Variants in ASTN2 observed in about 807,000 individuals in gnomAD.
The protein encoded by ASTN2 is astrotactin-2.
Under a neutral mutation model 139.8 loss-of-function variants are expected in ASTN2, and 54 were observed. The observed-to-expected ratio is 0.39, with a 90% CI of 0.31 to 0.48. The LOEUF is 0.48. ASTN2 is among the 20% of genes least tolerant of loss of function. ASTN2 has a pLI of 0.95. For synonymous variants in ASTN2, 756 were observed against 719.5 expected (o/e 1.05, Z -0.81); for missense variants, 1,565 against 1,725.1 (o/e 0.91, Z 1.64).
At chr9:116,751,829 G>T (rs1488112989) in intron 13 of ASTN2, among the ~76,000 whole-genome samples, 1 of 152,042 alleles carries the variant, frequency 6.6e-6, no homozygotes, top group Non-Finnish European at 1.5e-5. Flanking sequence ...ATATAAGGAA[G>T]ACTACAAAAC....
intron 5 of ASTN2, among the ~76,000 whole-genome samples, chr9:117,086,270 C>T (rs1451952606): frequency 6.6e-6 from 1 of 152,104 alleles, no homozygotes; most frequent in Non-Finnish European, 1.5e-5. Flanking sequence ...ACAAGAGACA[C>T]CTAGGATTAA....
chr9:117,345,183 C>T (rs1482855749), intron 1 of ASTN2, among the ~76,000 whole-genome samples: 1 of 152,154 alleles, frequency 6.6e-6, no homozygotes, highest in Admixed American at 6.5e-5. Flanking sequence ...GCAAGGCTTG[C>T]TCTTGCTACT....
chr9:116,566,334 G>T (rs762438867), intron 19 of ASTN2, among the ~76,000 whole-genome samples: 4 of 152,088 alleles, frequency 2.6e-5, no homozygotes, highest in Non-Finnish European at 4.4e-5. Flanking sequence ...CTCATTCCAG[G>T]ATCAGCTCAA....
intron 19 of ASTN2, among the ~76,000 whole-genome samples, chr9:116,505,609 G>C (rs958406999): frequency 6.6e-5 from 10 of 152,160 alleles, no homozygotes; most frequent in Non-Finnish European, 1.3e-4. Context: ...ATCTGACCCA[G>C]TGCTTCTCCT....
At position 116,664,212 on chromosome 9, in the gene ASTN2, A is replaced by T. The variant is rs1858728716; in HGVS notation, c.2807-12419T>A. On this transcript the variant is annotated intron_variant, in intron 16 of 22. Coordinates refer to ENST00000313400, the MANE Select transcript of ASTN2 (RefSeq NM_001365068.1). ...ATCACAAATATATTTTACTAAATGG[A>T]AAAAAGGAAAGTGCAGAACAGTGTT... Among the ~76,000 whole-genome samples, 3 of 152,142 alleles carry T rather than the reference A, an allele frequency of 2.0e-5. No individual in the cohort carries two copies. The South Asian group carries it at 6.2e-4, about 32-fold the overall frequency.
intron 19 of ASTN2, among the ~76,000 whole-genome samples, chr9:116,590,123 AG>A (rs1854319306): frequency 1.3e-5 from 2 of 152,306 alleles, no homozygotes; most frequent in South Asian, 4.1e-4. Context: ...GGCAGGAGCT[AG>A]GAACAGGTAG....
intron 6 of ASTN2, among the ~76,000 whole-genome samples, chr9:117,010,261 T>G (rs1244939499): frequency 1.3e-5 from 2 of 152,034 alleles, no homozygotes; most frequent in East Asian, 3.9e-4. Context: ...ATTTCCCCCC[T>G]GGAAATAAGC....
chr9:116,969,773 A>G (rs1057110621), intron 10 of ASTN2, among the ~76,000 whole-genome samples: 1 of 152,226 alleles, frequency 6.6e-6, no homozygotes, highest in African/African-American at 2.4e-5. Flanking sequence ...TTTAGTGAGC[A>G]TTAGAATCAC....
intron 2 of ASTN2, among the ~76,000 whole-genome samples, chr9:117,278,845 C>T (rs1268028335): frequency 6.6e-6 from 1 of 152,116 alleles, no homozygotes; most frequent in African/African-American, 2.4e-5. Flanking sequence ...TGAGTGGCTC[C>T]CTCAGCATGG....
At chr9:116,505,501 A>G (rs1367676324) in intron 19 of ASTN2, among the ~76,000 whole-genome samples, 1 of 152,214 alleles carries the variant, frequency 6.6e-6, no homozygotes, top group Non-Finnish European at 1.5e-5. Context: ...GGATTCCAAT[A>G]AAACTGGGCT....
intron 13 of ASTN2, among the ~76,000 whole-genome samples, chr9:116,755,627 G>A (rs1327373070): frequency 6.6e-6 from 1 of 152,220 alleles, no homozygotes; most frequent in Non-Finnish European, 1.5e-5. Flanking sequence ...CCAGTTGGTG[G>A]CATTTTGTTG....
At chr9:116,785,435 T>C (rs1376799675) in intron 13 of ASTN2, among the ~76,000 whole-genome samples, 1 of 152,212 alleles carries the variant, frequency 6.6e-6, no homozygotes, top group African/African-American at 2.4e-5. Flanking sequence ...ATATTAGACA[T>C]GGCCAGATGA....
chr9:116,624,166 T>C (rs1564162674), intron 17 of ASTN2, among the ~76,000 whole-genome samples: 1 of 152,162 alleles, frequency 6.6e-6, no homozygotes, highest in Non-Finnish European at 1.5e-5. Flanking sequence ...CACAAAAATA[T>C]TAAGCAATCA....
At chr9:117,399,073 C>G (rs909373698) in intron 1 of ASTN2, among the ~76,000 whole-genome samples, 35 of 152,258 alleles carry the variant, frequency 2.3e-4, no homozygotes, top group African/African-American at 8.2e-4. Flanking sequence ...CGTGAGCCAC[C>G]GCGCCTGACC....
rs369340503 is a variant in ASTN2, at chr9:116,831,153, G to A, written c.2041-10370C>T. 9.2e-5 allele frequency among the ~76,000 whole-genome samples: 14 copies of A among 152,268 alleles called. 1 individual carries two copies. Among genetic ancestry groups the A allele is most frequent in the African/African-American group, 3.4e-4 (14 of 41,550 alleles). On this transcript the variant is annotated intron_variant, in intron 11 of 22. Coordinates refer to ENST00000313400, the MANE Select transcript of ASTN2 (RefSeq NM_001365068.1). ...TGGGAGCTAAACAATCGGTACACCT[G>A]CACGTACAGAGTGCAATGACAAACA...
chr9:116,616,110 A>C (rs1340227070), intron 19 of ASTN2, among the ~76,000 whole-genome samples: 2 of 152,206 alleles, frequency 1.3e-5, no homozygotes, highest in African/African-American at 4.8e-5. Flanking sequence ...AATTGGAAAG[A>C]AAGAAATATA....
chr9:117,095,904 G>A lies in ASTN2; in HGVS notation c.1276+140C>T, dbSNP rs560238239. 1.2e-3 allele frequency: 792 copies of A among 687,658 alleles called. 3 individuals carry two copies. The highest frequency in any genetic ancestry group is 1.8e-3 in the Non-Finnish European group (702 of 400,184). 42.6% of individuals were successfully genotyped at this position (687,658 alleles called of 1,614,324 possible). ...ACTGAAGGTCACCCATATAGCCAGG[G>A]CAACAGATACTAAGCTCAGTTTTAA... On this transcript the variant is annotated intron_variant, in intron 5 of 22. Coordinates refer to ENST00000313400, the MANE Select transcript of ASTN2 (RefSeq NM_001365068.1).
At chr9:116,535,851 G>A (rs560305699) in intron 19 of ASTN2, among the ~76,000 whole-genome samples, 1 of 152,058 alleles carries the variant, frequency 6.6e-6, no homozygotes, top group African/African-American at 2.4e-5. Flanking sequence ...TGTTCTTCTT[G>A]AGGATTATCT....
chr9:116,451,930 A>G (rs1848188705), intron 20 of ASTN2, among the ~76,000 whole-genome samples: 1 of 150,696 alleles, frequency 6.6e-6, no homozygotes, highest in Non-Finnish European at 1.5e-5. Flanking sequence ...AACAACAATG[A>G]CTGTGTTTGC....
Sources: gnomAD v4.1 joint callset for allele counts (sites outside exome capture counted in the v4.1 genomes callset) on GRCh38, gnomAD v4.1.1 for gene constraint, MANE v1.5 for transcripts, NCBI Gene and HGNC (gene_info 2026-07-23, HGNC 2026-07-21) for gene names.